LRP1B: variants seen among roughly 807,000 people sequenced by gnomAD.
LRP1B encodes low-density lipoprotein receptor-related protein 1B.
A neutral mutation model predicts 556.6 loss-of-function variants in LRP1B; 217 were observed. The observed-to-expected ratio is 0.39, with a 90% CI of 0.35 to 0.44. LRP1B has a LOEUF of 0.44. LRP1B is among the 20% of genes least tolerant of loss of function. LRP1B has a pLI of 1.00. For synonymous variants in LRP1B, 2,047 were observed against 1,865.8 expected (o/e 1.10, Z -2.50); for missense variants, 5,053 against 5,620.8 (o/e 0.90, Z 3.23).
chr2:141,423,014 C>CT (rs1171174218), intron 3 of LRP1B, among the ~76,000 whole-genome samples: 4 of 152,030 alleles, frequency 2.6e-5, no homozygotes, highest in South Asian at 4.1e-4. Context: ...TCTAGATTAC[C>CT]TTTTTTTATG....
chr2:141,366,148 A>G (rs77586791), intron 3 of LRP1B, among the ~76,000 whole-genome samples: 1,987 of 152,264 alleles, frequency 0.013, 50 homozygotes, highest in African/African-American at 0.045. Flanking sequence ...ATATATCTCA[A>G]AATTACAGAT....
intron 2 of LRP1B, among the ~76,000 whole-genome samples, chr2:141,699,985 A>G (rs1574257889): frequency 2.0e-5 from 3 of 151,200 alleles, no homozygotes; most frequent in Non-Finnish European, 4.4e-5. Context: ...ACATAATGTC[A>G]TGGAACTCTA....
At chr2:141,906,014 G>A (rs1030386030) in intron 1 of LRP1B, among the ~76,000 whole-genome samples, 5 of 150,210 alleles carry the variant, frequency 3.3e-5, no homozygotes, top group African/African-American at 9.9e-5. Context: ...GTGTGTGTGT[G>A]TGTGTGTGTG....
chr2:141,812,445 A>T, intron 1 of LRP1B, among the ~76,000 whole-genome samples: 1 of 152,100 alleles, frequency 6.6e-6, no homozygotes, highest in Non-Finnish European at 1.5e-5. Context: ...TTGAAATGCT[A>T]GATTTTATCT....
At chr2:140,666,315 CA>C (rs1559042224) in intron 41 of LRP1B, among the ~76,000 whole-genome samples, 1 of 121,974 alleles carries the variant, frequency 8.2e-6, no homozygotes, top group East Asian at 3.4e-4. Flanking sequence ...CACACACACA[CA>C]CACACACACA....
chr2:141,463,651 T>C (rs1407904849), intron 3 of LRP1B, among the ~76,000 whole-genome samples: 7 of 135,618 alleles, frequency 5.2e-5, no homozygotes, highest in African/African-American at 1.6e-4. Context: ...ATATATTATA[T>C]ATAATTATAT....
rs1370200428 is a variant in LRP1B, at chr2:141,221,776, C to T, written c.850+7407G>A. Reference sequence around the variant, plus strand: ...TTAGAATGCAAGATTAAGAAACTCACTGAAAATCACAAAACCACATAGAAA... The same window carrying T: ...TTAGAATGCAAGATTAAGAAACTCATTGAAAATCACAAAACCACATAGAAA... On this transcript the variant is annotated intron_variant, in intron 6 of 90. Transcript: ENST00000389484. 2.0e-5 allele frequency among the ~76,000 whole-genome samples: 3 copies of T among 152,130 alleles called. No individual in the cohort carries two copies. In the East Asian group the frequency reaches 5.8e-4, roughly 29 times the overall value.
chr2:141,531,618 A>G (rs1263746710), intron 2 of LRP1B, among the ~76,000 whole-genome samples: 2 of 152,192 alleles, frequency 1.3e-5, no homozygotes, highest in Non-Finnish European at 2.9e-5. Context: ...GAGCACACCA[A>G]AGTCAATACT....
At chr2:141,606,763 A>G (rs1687929415) in intron 2 of LRP1B, among the ~76,000 whole-genome samples, 1 of 152,210 alleles carries the variant, frequency 6.6e-6, no homozygotes, top group Non-Finnish European at 1.5e-5. Context: ...CAACACCTTG[A>G]TCTTGGACTT....
At chr2:140,689,160 C>T (rs148908444) in intron 41 of LRP1B, among the ~76,000 whole-genome samples, 1 of 152,204 alleles carries the variant, frequency 6.6e-6, no homozygotes, top group African/African-American at 2.4e-5. Context: ...ATATATGAGT[C>T]CCTGTAGACG....
In LRP1B at chr2:140,577,848, A is replaced by T. The variant is rs1167352650; in HGVS notation, c.7194+20783T>A. Among the ~76,000 whole-genome samples, 5 of 152,300 alleles carry T rather than the reference A, an allele frequency of 3.3e-5. No individual in the cohort carries two copies. The East Asian group carries it at 9.6e-4, about 29-fold the overall frequency. ...TTAGTCATATATAGTGGCAGGAAAA[A>T]TAAGGATGCAGTTGAATCTAATTAT... On this transcript the variant is annotated intron_variant, in intron 43 of 90. Transcript: ENST00000389484.
At chr2:141,181,070 T>A (rs948467485) in intron 7 of LRP1B, among the ~76,000 whole-genome samples, 1 of 151,936 alleles carries the variant, frequency 6.6e-6, no homozygotes, top group East Asian at 1.9e-4. Context: ...ATGGTAAAAA[T>A]TGTCTAATTC....
At chr2:141,819,253 AAAC>A (rs1357516647) in intron 1 of LRP1B, among the ~76,000 whole-genome samples, 1 of 132,640 alleles carries the variant, frequency 7.5e-6, no homozygotes, top group Non-Finnish European at 1.8e-5. Flanking sequence ...ACAAACAAAC[AAAC>A]AAAAAAAAAA....
intron 21 of LRP1B, among the ~76,000 whole-genome samples, chr2:140,921,917 ACTT>A (rs1694746579): frequency 6.6e-6 from 1 of 151,990 alleles, no homozygotes; most frequent in African/African-American, 2.4e-5. Context: ...ACCTTTTACA[ACTT>A]CTTATTTGTA....
chr2:141,850,423 AC>A (rs1697807909), intron 1 of LRP1B, among the ~76,000 whole-genome samples: 1 of 151,628 alleles, frequency 6.6e-6, no homozygotes, highest in Non-Finnish European at 1.5e-5. Context: ...TTATAGAAAC[AC>A]CCATCATCCA....
chr2:140,672,784 A>G (rs558229875), intron 41 of LRP1B, among the ~76,000 whole-genome samples: 44 of 152,286 alleles, frequency 2.9e-4, no homozygotes, highest in Non-Finnish European at 5.3e-4. Context: ...TAATATTCTC[A>G]AAAACGTTGT....
chr2:140,433,094 A>G (rs1318704643), intron 66 of LRP1B, among the ~76,000 whole-genome samples: 2 of 152,102 alleles, frequency 1.3e-5, no homozygotes, highest in African/African-American at 4.8e-5. Context: ...GTTGAAACAG[A>G]TGTTATACTT....
At position 141,214,887 on chromosome 2, in the gene LRP1B, A is replaced by T. The variant is rs188841340; in HGVS notation, c.850+14296T>A. 1.3e-4 allele frequency among the ~76,000 whole-genome samples: 20 copies of T among 152,306 alleles called. No individual in the cohort carries two copies. The East Asian group carries it at 1.9e-3, about 15-fold the overall frequency. On this transcript the variant is annotated intron_variant, in intron 6 of 90. Coordinates refer to ENST00000389484, the MANE Select transcript of LRP1B (RefSeq NM_018557.3). ...CTGATGATGCAGATAAGTTTTCTGA[A>T]TGTCTAAGGTCATGATTTGGCATGG...
chr2:140,526,900 C>G (rs183812848), intron 47 of LRP1B, among the ~76,000 whole-genome samples: 1 of 151,796 alleles, frequency 6.6e-6, no homozygotes, highest in East Asian at 1.9e-4. Context: ...GGGGGAACCA[C>G]TGAACACTGA....
Sources: allele counts gnomAD v4.1 joint callset (sites outside exome capture counted in the v4.1 genomes callset), GRCh38; gene constraint gnomAD v4.1.1; transcripts MANE v1.5; gene names NCBI Gene and HGNC (gene_info 2026-07-23, HGNC 2026-07-21).